The following SYN2 variants were observed in gnomAD, a reference collection of about 807,000 sequenced individuals.
The protein encoded by SYN2 is synapsin II.
A neutral mutation model predicts 50.9 loss-of-function variants in SYN2; 19 were observed. The ratio of observed to expected loss-of-function variants is 0.37; its 90% CI spans 0.26 to 0.55. The LOEUF is 0.55. Ranked by LOEUF, SYN2 falls within the 20% of genes least tolerant of loss-of-function variation. SYN2 has a pLI of 0.81. For synonymous variants in SYN2, 255 were observed against 224.9 expected (o/e 1.13, Z -1.20); for missense variants, 587 against 576.4 (o/e 1.02, Z -0.19).
Position 12,151,251 on chromosome 3 carries a change from C to T in SYN2, c.699C>T (p.Val233=), listed in dbSNP as rs374771604. 4.5e-5 allele frequency: 73 copies of T among 1,612,378 alleles called. No individual in the cohort carries two copies. Among genetic ancestry groups the T allele is most frequent in the Middle Eastern group, 3.3e-4 (2 of 6,082 alleles). Residue 233 remains valine (V), a synonymous_variant, in exon 5 of 13, where the codon GTC becomes GTT. Transcript: ENST00000621198. ...CDKPWVFAQL[V]AIYKTLGGEK... is the part of the protein sequence containing the mutation. ...TTCTTTTGCAGTTTGCCCAGCTGGT[C>T]GCTATCTATAAGACACTGGGAGGAG... is the stretch of plus-strand genomic sequence containing the variant.
At chr3:12,168,314 G>T in intron 8 of SYN2, 62 bp from the exon 9 acceptor site, 1 of 1,407,974 alleles carries the variant, frequency 7.1e-7, no homozygotes, top group Non-Finnish European at 9.9e-7. Context: ...AGCCTGACTG[G>T]CAAGCAAGCT....
intron 6 of SYN2, 189 bp from the exon 7 acceptor site, chr3:12,161,823 G>A: frequency 1.2e-5 from 12 of 995,060 alleles, no homozygotes; most frequent in Non-Finnish European, 1.8e-5. Flanking sequence ...GTCCTTTGCA[G>A]CAAGTGTGGC....
intron 10 of SYN2, among the ~76,000 whole-genome samples, chr3:12,172,256 C>T (rs935022776): frequency 1.3e-5 from 2 of 152,168 alleles, no homozygotes; most frequent in Non-Finnish European, 2.9e-5. Context: ...ATGTCTAGAT[C>T]CCTTTCAATT....
In SYN2 at chr3:12,183,332, G is replaced by A. The variant is rs148054644; in HGVS notation, c.1329G>A (p.Pro443=). 310 of 1,613,314 alleles carry A rather than the reference G, an allele frequency of 1.9e-4. 4 individuals are homozygous for A. In the African/African-American group the frequency reaches 3.5e-3, roughly 18 times the overall value. Residue 443 remains proline, a synonymous_variant, in exon 11 of 13, where the codon CCG becomes CCA. Coordinates refer to ENST00000621198, the MANE Select transcript of SYN2 (RefSeq NM_133625.6). ...TCCAGAGCGGAACACTTAAGGATCC[G>A]GACTCAAGCAAGACCCCACCTCAGC... ...QQPQSGTLKD[P]DSSKTPPQRP... is the part of the protein sequence containing the mutation.
In SYN2 at chr3:12,181,045, A is replaced by G. The variant is rs1333443867; in HGVS notation, c.1309-2267A>G. Among the ~76,000 whole-genome samples the G allele has an allele frequency of 3.3e-5, 5 of 152,204 alleles. No individual in the cohort carries two copies. The South Asian group carries it at 8.3e-4, about 25-fold the overall frequency. On this transcript the variant is annotated intron_variant, in intron 10 of 12. Transcript: ENST00000621198. ...TGATGTCTTTGTCAGGTCATTCACTACCCACTATGTGAACACATACGTCTA... is the reference window on the plus strand; with the variant it reads ...TGATGTCTTTGTCAGGTCATTCACTGCCCACTATGTGAACACATACGTCTA...
intron 1 of SYN2, among the ~76,000 whole-genome samples, chr3:12,036,007 A>G (rs1694491322): frequency 6.6e-6 from 1 of 152,202 alleles, no homozygotes; most frequent in Non-Finnish European, 1.5e-5. Context: ...GTTTTAAGCT[A>G]TTACTGCCTT....
intron 6 of SYN2, 86 bp from the exon 7 acceptor site, chr3:12,161,926 G>A (rs1697658339): frequency 5.8e-6 from 9 of 1,557,788 alleles, no homozygotes; most frequent in Non-Finnish European, 7.8e-6. Context: ...ATATTGGTGG[G>A]TTTGGAGGCT....
intron 5 of SYN2, chr3:12,153,678 G>T: frequency 1.9e-6 from 3 of 1,614,200 alleles, no homozygotes; most frequent in Non-Finnish European, 2.5e-6. Flanking sequence ...GTTAGGGGCC[G>T]AGATGGTACA....
chr3:12,179,374 G>GAAAAAAAAAAAAAAAAAAAAAAAA (rs536283283), intron 10 of SYN2, among the ~76,000 whole-genome samples: 1 of 92,564 alleles, frequency 1.1e-5, no homozygotes. Flanking sequence ...AGAACTGAAA[G>GAAAAAAAAAAAAAAAAAAAAAAAA]AAAAAAAAAA....
At chr3:12,140,747 A>G (rs1009079041) in intron 2 of SYN2, 39 bp downstream of exon 2, 3 of 734,186 alleles carry the variant, frequency 4.1e-6, no homozygotes, top group Non-Finnish European at 7.6e-6. Context: ...CCCCGTCATC[A>G]CAGTTTCCTC....
chr3:12,179,546 T>G (rs1477498960), intron 10 of SYN2, among the ~76,000 whole-genome samples: 3 of 152,144 alleles, frequency 2.0e-5, no homozygotes, highest in Non-Finnish European at 2.9e-5. Context: ...AAGCCAGCCC[T>G]TGACACTATT....
At chr3:12,136,602 C>G (rs1206779851) in intron 1 of SYN2, among the ~76,000 whole-genome samples, 1 of 152,170 alleles carries the variant, frequency 6.6e-6, no homozygotes, top group African/African-American at 2.4e-5. Flanking sequence ...AGAGAAGTCT[C>G]TGAAATCATA....
At chr3:12,109,203 C>G (rs958835946) in intron 1 of SYN2, among the ~76,000 whole-genome samples, 1 of 152,168 alleles carries the variant, frequency 6.6e-6, no homozygotes, top group African/African-American at 2.4e-5. Flanking sequence ...ACAGATGACA[C>G]AGTGCTAAAG....
At chr3:12,143,368 G>A (rs910691387) in intron 3 of SYN2, among the ~76,000 whole-genome samples, 1 of 152,076 alleles carries the variant, frequency 6.6e-6, no homozygotes, top group South Asian at 2.1e-4. Flanking sequence ...GAAGTTTGGG[G>A]TTCTAGTGTT....
intron 12 of SYN2, among the ~76,000 whole-genome samples, chr3:12,189,443 C>G (rs995575898): frequency 1.3e-5 from 2 of 152,200 alleles, no homozygotes; most frequent in Non-Finnish European, 2.9e-5. Flanking sequence ...ACTGGACACC[C>G]TGAACCCCAT....
chr3:12,171,461 A>C (rs966377193), intron 10 of SYN2, among the ~76,000 whole-genome samples: 2 of 152,156 alleles, frequency 1.3e-5, no homozygotes, highest in African/African-American at 2.4e-5. Context: ...TAATACTGAG[A>C]AAAACAGAGA....
At chr3:12,052,025 C>A (rs999265046) in intron 1 of SYN2, among the ~76,000 whole-genome samples, 22 of 152,138 alleles carry the variant, frequency 1.4e-4, no homozygotes, top group African/African-American at 5.3e-4. Flanking sequence ...AATAATTATT[C>A]ACCTTTGACA....
Position 12,190,761 on chromosome 3 carries a change from G to A in SYN2, c.*136G>A. ...CCCTTCCTCTGCTCTGTTGTACTAA[G>A]TGATGTTGTGCAGCCCAGAAAGGAC... On this transcript the variant is annotated 3_prime_UTR_variant, in exon 13 of 13. Coordinates refer to ENST00000621198, the MANE Select transcript of SYN2 (RefSeq NM_133625.6). 2 of 1,436,494 alleles carry A rather than the reference G, an allele frequency of 1.4e-6. No homozygotes were observed. Among genetic ancestry groups the A allele is most frequent in the East Asian group, 2.6e-5 (1 of 38,542 alleles). 89.0% of individuals were successfully genotyped at this position (1,436,494 alleles called of 1,614,324 possible). A position where few individuals can be genotyped will look rare whatever the true frequency, so the allele number is the denominator to read the frequency against.
chr3:12,150,993 T>C (rs1178349685), intron 4 of SYN2, among the ~76,000 whole-genome samples: 1 of 152,256 alleles, frequency 6.6e-6, no homozygotes, highest in Admixed American at 6.5e-5. Flanking sequence ...AGTTCATCAA[T>C]TTGATTTGAA....
Sources: allele counts gnomAD v4.1 joint callset (sites outside exome capture counted in the v4.1 genomes callset), GRCh38; gene constraint gnomAD v4.1.1; transcripts MANE v1.5; gene names NCBI Gene and HGNC (gene_info 2026-07-23, HGNC 2026-07-21).